Variants in SLC39A14 observed in about 807,000 individuals in gnomAD.
SLC39A14 encodes the protein solute carrier family 39 member 14.
Under a neutral mutation model 45.5 loss-of-function variants are expected in SLC39A14, and 19 were observed. The observed-to-expected ratio is 0.42, with a 90% CI of 0.29 to 0.61. The LOEUF is 0.61. SLC39A14 is among the 20% of genes least tolerant of loss of function. SLC39A14 has a pLI of 0.22. For synonymous variants in SLC39A14, 264 were observed against 251.3 expected (o/e 1.05, Z -0.48); for missense variants, 447 against 616.5 (o/e 0.73, Z 2.91).
In SLC39A14 at chr8:22,396,581, A is replaced by G. The variant is rs1228097463; in HGVS notation, c.-15-8115A>G. Among the ~76,000 whole-genome samples the G allele has an allele frequency of 1.8e-4, 16 of 87,880 alleles. 1 individual carries two copies. In the Middle Eastern group the frequency reaches 0.015, roughly 85 times the overall value. The allele number at this position is 87,880 out of a possible 152,430, so 57.7% of individuals were successfully genotyped here. ...GAGAGAGAGAGAGAGAGAGAGAGAG[A>G]GAGAGAGAGAGAGAGAGAAGACTAA... On this transcript the variant is annotated intron_variant, in intron 1 of 8. Transcript: ENST00000381237.
At chr8:22,415,338 T>C (rs1835809218) in intron 5 of SLC39A14, 1 of 212,286 alleles carries the variant, frequency 4.7e-6, no homozygotes, top group African/African-American at 2.4e-5. Context: ...TGAGTGAGAT[T>C]AGCCATTGCA....
At chr8:22,403,772 G>A (rs1451005731) in intron 1 of SLC39A14, among the ~76,000 whole-genome samples, 1 of 151,702 alleles carries the variant, frequency 6.6e-6, no homozygotes, top group Non-Finnish European at 1.5e-5. Context: ...ACAAAAATTA[G>A]CCAGGCGTGA....
downstream of SLC39A14, among the ~76,000 whole-genome samples, chr8:22,423,748 T>C (rs1253672418): frequency 1.4e-5 from 2 of 147,320 alleles, no homozygotes; most frequent in African/African-American, 4.9e-5. Flanking sequence ...ATTACAGGCA[T>C]GAGCCACCGC....
chr8:22,413,206 G>T (rs898943639), intron 4 of SLC39A14, among the ~76,000 whole-genome samples: 12 of 152,186 alleles, frequency 7.9e-5, no homozygotes, highest in African/African-American at 2.9e-4. Context: ...CGCAGGCCTG[G>T]ACAGAGCCGC....
At chr8:22,425,028 C>CAAAAAAAAAA (rs71544902), downstream of SLC39A14, among the ~76,000 whole-genome samples, 1 of 74,344 alleles carries the variant, frequency 1.3e-5, no homozygotes, top group Non-Finnish European at 2.7e-5. Flanking sequence ...GACTCCGTCT[C>CAAAAAAAAAA]AAAAAAAAAA....
downstream of SLC39A14, among the ~76,000 whole-genome samples, chr8:22,425,883 G>GT (rs72023394): frequency 7.1e-6 from 1 of 140,862 alleles, no homozygotes; most frequent in South Asian, 2.3e-4. Flanking sequence ...GCTCTAGATG[G>GT]TTTTTGTTTT....
intron 1 of SLC39A14, among the ~76,000 whole-genome samples, chr8:22,389,061 G>T (rs1833931746): frequency 6.6e-6 from 1 of 152,212 alleles, no homozygotes; most frequent in African/African-American, 2.4e-5. Flanking sequence ...GCGCTGAGCA[G>T]CGGCGCTTCT....
intron 1 of SLC39A14, among the ~76,000 whole-genome samples, chr8:22,376,706 C>A (rs1269364975): frequency 6.6e-6 from 1 of 152,010 alleles, no homozygotes; most frequent in African/African-American, 2.4e-5. Flanking sequence ...GGTGAAACCC[C>A]ATCTCCACTA....
intron 1 of SLC39A14, among the ~76,000 whole-genome samples, chr8:22,387,626 TA>T (rs1833859195): frequency 2.0e-5 from 3 of 152,172 alleles, no homozygotes; most frequent in South Asian, 2.1e-4. Flanking sequence ...AACCTGAGGA[TA>T]GGGGGCCTTG....
At chr8:22,390,966 G>A (rs529702403) in intron 1 of SLC39A14, among the ~76,000 whole-genome samples, 1 of 152,142 alleles carries the variant, frequency 6.6e-6, no homozygotes, top group Non-Finnish European at 1.5e-5. Context: ...TGTGGCTCAT[G>A]GCAAGGACAG....
intron 7 of SLC39A14, among the ~76,000 whole-genome samples, chr8:22,417,361 G>A (rs1835948882): frequency 6.6e-6 from 1 of 152,174 alleles, no homozygotes; most frequent in African/African-American, 2.4e-5. Context: ...ATGGAGACGG[G>A]TCCTGAACAG....
At chr8:22,404,321 G>A (rs1835066554) in intron 1 of SLC39A14, among the ~76,000 whole-genome samples, 1 of 151,620 alleles carries the variant, frequency 6.6e-6, no homozygotes, top group African/African-American at 2.4e-5. Flanking sequence ...AGCTACTTGG[G>A]AGGCCTGAGG....
intron 1 of SLC39A14, chr8:22,393,106 G>A: frequency 1.9e-6 from 1 of 530,870 alleles, no homozygotes; most frequent in Non-Finnish European, 2.4e-6. Context: ...GAGAGTGAGT[G>A]GGCTCCGCTG....
intron 3 of SLC39A14, among the ~76,000 whole-genome samples, chr8:22,411,568 A>C (rs1348324302): frequency 6.6e-6 from 1 of 152,246 alleles, no homozygotes; most frequent in Non-Finnish European, 1.5e-5. Context: ...ACGCAGCAGC[A>C]GAGTGATCAG....
chr8:22,392,514 C>T (rs1473748896), intron 1 of SLC39A14, among the ~76,000 whole-genome samples: 1 of 152,128 alleles, frequency 6.6e-6, no homozygotes, highest in Non-Finnish European at 1.5e-5. Flanking sequence ...ATGTGAGTAC[C>T]GCGTTTCCTA....
At chr8:22,380,554 G>A (rs1000068799) in intron 1 of SLC39A14, among the ~76,000 whole-genome samples, 2 of 152,112 alleles carry the variant, frequency 1.3e-5, no homozygotes, top group East Asian at 3.9e-4. Context: ...AGATGCAGTC[G>A]AAGACTGGAA....
Position 22,367,643 on chromosome 8 carries a change from A to C in SLC39A14, c.-16+235A>C, listed in dbSNP as rs1274379373. The C allele has an allele frequency of 1.3e-5, 2 of 152,242 alleles. No homozygotes were observed. The highest frequency in any genetic ancestry group is 4.8e-5 in the African/African-American group (2 of 41,454). The allele number at this position is 152,242 out of a possible 1,614,324, so 9.4% of individuals were successfully genotyped here. On this transcript the variant is annotated intron_variant, in intron 1 of 8. Transcript: ENST00000381237. This position sits in a 1 kb window ranked among gnomAD's most constrained non-coding sequence, Gnocchi z 4.2. ...CCGCCTGGAGGGTGCGGGATGCTAG[A>C]GCCGCAGAAGGGTGCCCAGAGCGTG...
chr8:22,408,943 C>G (rs1835396839), intron 3 of SLC39A14, among the ~76,000 whole-genome samples: 1 of 151,980 alleles, frequency 6.6e-6, no homozygotes, highest in Non-Finnish European at 1.5e-5. Flanking sequence ...GCCTCAGCCT[C>G]CTGAGTAGCT....
intron 6 of SLC39A14, 39 bp from the exon 7 acceptor site, chr8:22,416,034 C>G: frequency 6.2e-7 from 1 of 1,611,704 alleles, no homozygotes; most frequent in Non-Finnish European, 8.5e-7. Context: ...ATGGTCCAGC[C>G]TTTGACGCTG....
Sources: gnomAD v4.1 joint callset for allele counts (sites outside exome capture counted in the v4.1 genomes callset) on GRCh38, gnomAD v4.1.1 for gene constraint, Gnocchi (gnomAD v3.1) non-coding constraint, MANE v1.5 for transcripts, NCBI Gene and HGNC (gene_info 2026-07-23, HGNC 2026-07-21) for gene names.